The following MAP2 variants were observed in gnomAD, a reference collection of about 807,000 sequenced individuals.
The protein encoded by MAP2 is microtubule-associated protein 2.
MAP2 carries 14 observed loss-of-function variants against 137.6 expected under a neutral mutation model. That is an observed-to-expected ratio of 0.10 (90% CI 0.07 to 0.16). The LOEUF is 0.16. MAP2 is among the 10% of genes least tolerant of loss of function. The probability of loss-of-function intolerance (pLI) is 1.00; values close to 1 mark genes in which losing one functional copy is unlikely to be tolerated. For missense variants in MAP2, 2,088 were observed against 2,191.5 expected (o/e 0.95, Z 0.94); for synonymous variants, 786 against 782.3 (o/e 1.00, Z -0.08).
intron 1 of MAP2, among the ~76,000 whole-genome samples, chr2:209,493,280 C>G (rs2059357126): frequency 1.3e-5 from 2 of 152,138 alleles, no homozygotes; most frequent in Admixed American, 1.3e-4. Flanking sequence ...AAAATTAATG[C>G]AAGATGGATT....
chr2:209,431,511 T>G (rs1294882393), intron 1 of MAP2, among the ~76,000 whole-genome samples: 1 of 152,178 alleles, frequency 6.6e-6, no homozygotes, highest in Non-Finnish European at 1.5e-5. Context: ...TATTTATATA[T>G]GAATTAGAGA....
At position 209,700,299 on chromosome 2, in the gene MAP2, G is replaced by T; in HGVS notation, c.4545G>T (p.Leu1515=). The T allele has an allele frequency of 6.2e-7, 1 of 1,613,518 alleles. No homozygotes were observed. The highest frequency in any genetic ancestry group is 8.5e-7 in the Non-Finnish European group (1 of 1,179,632). ...KTTAAGGESA[L]APSVFKQAKD... is the part of the protein sequence containing the mutation. Reference sequence around the variant, plus strand: ...CAGCAGCAGGTGGGGAATCAGCTCTGGCTCCCAGTGTATTTAAACAGGCAA... The same window carrying T: ...CAGCAGCAGGTGGGGAATCAGCTCTTGCTCCCAGTGTATTTAAACAGGCAA... Residue 1515 remains leucine (L), a synonymous_variant, in exon 11 of 16, where the codon CTG becomes CTT. Transcript: ENST00000682079.
At chr2:209,651,685 G>A (rs546692023) in intron 4 of MAP2, among the ~76,000 whole-genome samples, 1 of 152,226 alleles carries the variant, frequency 6.6e-6, no homozygotes, top group Admixed American at 6.5e-5. Context: ...TTTACATCCT[G>A]TTTAAATATG....
At chr2:209,676,141 A>T (rs1369731518) in intron 5 of MAP2, among the ~76,000 whole-genome samples, 1 of 151,916 alleles carries the variant, frequency 6.6e-6, no homozygotes, top group Admixed American at 6.6e-5. Context: ...ATCAACCTAA[A>T]TGCCCATCAA....
At chr2:209,617,590 G>C (rs1409804244) in intron 3 of MAP2, among the ~76,000 whole-genome samples, 1 of 152,154 alleles carries the variant, frequency 6.6e-6, no homozygotes, top group Non-Finnish European at 1.5e-5. Context: ...GTCAAGGAGA[G>C]ACTCTTTGCT....
intron 14 of MAP2, among the ~76,000 whole-genome samples, chr2:209,727,589 A>G (rs2074529658): frequency 1.3e-5 from 2 of 152,260 alleles, no homozygotes; most frequent in Non-Finnish European, 2.9e-5. Flanking sequence ...TGTAAGCATA[A>G]TAATCCTTGA....
At chr2:209,573,227 C>G (rs1167365001) in intron 2 of MAP2, among the ~76,000 whole-genome samples, 1 of 151,778 alleles carries the variant, frequency 6.6e-6, no homozygotes, top group Non-Finnish European at 1.5e-5. Context: ...AGACTTGCTG[C>G]CTAGAGACTG....
intron 11 of MAP2, among the ~76,000 whole-genome samples, chr2:209,700,713 GA>G (rs2153734510): frequency 6.6e-6 from 1 of 152,160 alleles, no homozygotes; most frequent in African/African-American, 2.4e-5. Flanking sequence ...TTACAAAATA[GA>G]AATATGACCA....
At chr2:209,637,921 ATATGATGGGTC>A (rs1257413218) in intron 4 of MAP2, among the ~76,000 whole-genome samples, 5 of 152,108 alleles carry the variant, frequency 3.3e-5, no homozygotes, top group African/African-American at 1.2e-4. Context: ...CCTAACTTGC[ATATGATGGGTC>A]TATTTTTATA....
At chr2:209,427,113 T>C (rs567488053) in intron 1 of MAP2, among the ~76,000 whole-genome samples, 2 of 152,334 alleles carry the variant, frequency 1.3e-5, no homozygotes, top group South Asian at 4.1e-4. Context: ...AGACTGACCA[T>C]ATGAAACTGA....
intron 4 of MAP2, among the ~76,000 whole-genome samples, chr2:209,627,182 T>G (rs2092447529): frequency 6.6e-6 from 1 of 152,126 alleles, no homozygotes; most frequent in Admixed American, 6.5e-5. Flanking sequence ...AAGTGAAATA[T>G]CTTGGTCTGG....
At chr2:209,633,979 T>C (rs2153558565) in intron 4 of MAP2, among the ~76,000 whole-genome samples, 1 of 152,304 alleles carries the variant, frequency 6.6e-6, no homozygotes, top group South Asian at 2.1e-4. Context: ...TCCCTGAATG[T>C]GTTTGCACAT....
chr2:209,694,852 T>C lies in MAP2; in HGVS notation c.2682T>C (p.Gly894=), dbSNP rs771026183. ...GTGAGAATTTATCAGGGGAGAGTGG[T>C]ACCTTTTACGAAGGCACTGATGATA... The part of the protein sequence containing the change: ...QDSENLSGES[G]TFYEGTDDKV... Residue 894 remains glycine (G), a synonymous_variant, in exon 8 of 16, where the codon GGT becomes GGC. Transcript: ENST00000682079. 1 of 1,614,194 alleles carries C rather than the reference T, an allele frequency of 6.2e-7. No homozygotes were observed. The highest frequency in any genetic ancestry group is 8.5e-7 in the Non-Finnish European group (1 of 1,180,026).
At chr2:209,677,981 T>C (rs1261149433) in intron 5 of MAP2, among the ~76,000 whole-genome samples, 1 of 152,028 alleles carries the variant, frequency 6.6e-6, no homozygotes, top group Admixed American at 6.6e-5. Flanking sequence ...ATTTTCAGAT[T>C]TTAAATAATG....
intron 3 of MAP2, among the ~76,000 whole-genome samples, chr2:209,606,228 T>C (rs1160883665): frequency 6.6e-6 from 1 of 152,208 alleles, no homozygotes; most frequent in Admixed American, 6.5e-5. Context: ...TATTTCTGGC[T>C]CTTTCATAAA....
At chr2:209,460,930 G>A (rs981155400) in intron 1 of MAP2, among the ~76,000 whole-genome samples, 5 of 151,936 alleles carry the variant, frequency 3.3e-5, no homozygotes, top group African/African-American at 7.3e-5. Flanking sequence ...TGTATTTCTT[G>A]TAGAGACAGG....
chr2:209,543,479 G>A (rs2153269831), intron 2 of MAP2, among the ~76,000 whole-genome samples: 1 of 152,328 alleles, frequency 6.6e-6, no homozygotes, highest in Non-Finnish European at 1.5e-5. Context: ...TTCAATTTGT[G>A]AAAAGTGCAG....
intron 13 of MAP2, chr2:209,710,503 C>CT (rs970445000): frequency 0.065 from 23,327 of 360,006 alleles, no homozygotes; most frequent in South Asian, 0.092. Flanking sequence ...GATTGACTAA[C>CT]TTTTTTTTTT....
intron 4 of MAP2, among the ~76,000 whole-genome samples, chr2:209,644,558 T>C (rs1444107356): frequency 6.6e-6 from 1 of 151,860 alleles, no homozygotes; most frequent in Non-Finnish European, 1.5e-5. Flanking sequence ...AATTGATTAA[T>C]TAATATTCAT....
Sources: allele counts gnomAD v4.1 joint callset (sites outside exome capture counted in the v4.1 genomes callset), GRCh38; gene constraint gnomAD v4.1.1; transcripts MANE v1.5; gene names NCBI Gene and HGNC (gene_info 2026-07-23, HGNC 2026-07-21).